LACTB2: variants seen among roughly 807,000 people sequenced by gnomAD.
LACTB2 encodes the protein lactamase beta 2, also known as endoribonuclease LACTB2.
A neutral mutation model predicts 34.8 loss-of-function variants in LACTB2; 32 were observed. That is an observed-to-expected ratio of 0.92 (90% CI 0.69 to 1.24). The LOEUF is 1.24. LACTB2 is among the 50% of genes most tolerant of loss of function. The pLI, the probability that LACTB2 is intolerant of heterozygous loss-of-function variation, is 0.00. For synonymous variants in LACTB2, 120 were observed against 117.5 expected (o/e 1.02, Z -0.14); for missense variants, 320 against 345.0 (o/e 0.93, Z 0.57).
intron 2 of LACTB2, chr8:70,660,117 T>C (rs982619376): frequency 2.0e-5 from 3 of 152,136 alleles, no homozygotes; most frequent in African/African-American, 7.2e-5. Flanking sequence ...AGTTTCTTTT[T>C]TTTTTTCTTT....
intron 3 of LACTB2, among the ~76,000 whole-genome samples, chr8:70,655,843 C>T (rs56352991): frequency 0.32 from 48,885 of 151,912 alleles, 9,209 homozygotes; most frequent in Non-Finnish European, 0.43. Context: ...CCCTGTTCAC[C>T]GCATCCACAC....
At chr8:70,642,481 A>G (rs7831911) in intron 4 of LACTB2, among the ~76,000 whole-genome samples, 22,299 of 143,170 alleles carry the variant, frequency 0.16, 2,345 homozygotes, top group African/African-American at 0.31. Flanking sequence ...GGGCCTTTTT[A>G]TTGGGTCCTG....
intron 5 of LACTB2, among the ~76,000 whole-genome samples, 164 bp from the exon 6 acceptor site, chr8:70,638,793 T>C (rs1486298151): frequency 1.3e-5 from 2 of 151,180 alleles, no homozygotes; most frequent in Non-Finnish European, 2.9e-5. Context: ...CAGGCTGGAA[T>C]GCAGTGGTGC....
intron 3 of LACTB2, among the ~76,000 whole-genome samples, chr8:70,648,198 C>G (rs1818288939): frequency 6.6e-6 from 1 of 152,186 alleles, no homozygotes; most frequent in Admixed American, 6.5e-5. Context: ...CCCACATTCT[C>G]AGAGCTCCCA....
At chr8:70,646,695 AT>A (rs1371561767) in intron 3 of LACTB2, 1 of 152,110 alleles carries the variant, frequency 6.6e-6, no homozygotes, top group Non-Finnish European at 1.5e-5. Flanking sequence ...TTACATTTAT[AT>A]TGTTTTGTAA....
chr8:70,644,140 C>T lies in LACTB2; in HGVS notation c.517G>A (p.Val173Ile), dbSNP rs968189492. 5 of 1,612,806 alleles carry T rather than the reference C, an allele frequency of 3.1e-6. No homozygotes were observed. Among genetic ancestry groups the T allele is most frequent in the Non-Finnish European group, 4.2e-6 (5 of 1,179,204 alleles). ...ATATAATCATAGAGGTCTTCAAATA[C>T]CGTTGTTCCTTCCCCTAGGATGCAA... is the stretch of plus-strand genomic sequence containing the variant. ...GDCILGEGTT[V>I]FEDLYDYMNS... is the part of the protein sequence containing the mutation. The change falls in exon 4 of 7, where the codon GTA (valine) becomes ATA (isoleucine). Residue 173 changes from valine to isoleucine, a missense_variant. Val to Ile is a conservative substitution (Grantham distance 29). Coordinates refer to ENST00000276590, the MANE Select transcript of LACTB2 (RefSeq NM_016027.3).
At chr8:70,647,261 T>G (rs1294189235) in intron 3 of LACTB2, among the ~76,000 whole-genome samples, 2 of 151,640 alleles carry the variant, frequency 1.3e-5, no homozygotes, top group Non-Finnish European at 2.9e-5. Context: ...ATATAATTTT[T>G]TTTTTTTTTG....
chr8:70,658,989 T>G (rs1156733923), intron 2 of LACTB2, among the ~76,000 whole-genome samples: 1 of 151,508 alleles, frequency 6.6e-6, no homozygotes, highest in East Asian at 2.0e-4. Context: ...ATCACGCCAT[T>G]GCATTCCAGG....
chr8:70,662,008 T>A, intron 1 of LACTB2, 111 bp from the exon 2 acceptor site: 1 of 937,616 alleles, frequency 1.1e-6, no homozygotes, highest in Non-Finnish European at 1.5e-6. Context: ...ATTTTACTTT[T>A]AACATGCACA....
intron 3 of LACTB2, among the ~76,000 whole-genome samples, chr8:70,650,350 G>A (rs1818323614): frequency 6.6e-6 from 1 of 152,186 alleles, no homozygotes; most frequent in African/African-American, 2.4e-5. Flanking sequence ...ATGTGTGACT[G>A]TCACTAGAAA....
intron 1 of LACTB2, among the ~76,000 whole-genome samples, chr8:70,668,678 C>T (rs1818571183): frequency 6.6e-6 from 1 of 151,688 alleles, no homozygotes; most frequent in African/African-American, 2.4e-5. Context: ...TCCGAATTTT[C>T]TCAACAGTTT....
chr8:70,666,567 C>T (rs998038175), intron 1 of LACTB2, among the ~76,000 whole-genome samples: 1 of 152,128 alleles, frequency 6.6e-6, no homozygotes, highest in Non-Finnish European at 1.5e-5. Context: ...CCAGAATACA[C>T]AAGGCCTTCC....
intron 1 of LACTB2, among the ~76,000 whole-genome samples, chr8:70,666,255 T>G (rs1247173822): frequency 1.3e-5 from 2 of 152,190 alleles, no homozygotes; most frequent in South Asian, 4.1e-4. Flanking sequence ...GGAAAGACAC[T>G]AAGCTTCTTG....
intron 6 of LACTB2, among the ~76,000 whole-genome samples, chr8:70,638,269 GAGA>G (rs2132066020): frequency 6.6e-6 from 1 of 152,276 alleles, no homozygotes; most frequent in South Asian, 2.1e-4. Flanking sequence ...TTGGGTCTGG[GAGA>G]AGAAAAGTTA....
rs774494078 is a variant in LACTB2, at chr8:70,638,542, A to G, written c.823+6T>C. 3 of 1,526,328 alleles carry G rather than the reference A, an allele frequency of 2.0e-6. No homozygotes were observed. The Admixed American group carries it at 7.1e-5, about 36-fold the overall frequency. The allele number at this position is 1,526,328 out of a possible 1,614,324, so 94.5% of individuals were successfully genotyped here. A position where few individuals can be genotyped will look rare whatever the true frequency, so the allele number is the denominator to read the frequency against. On this transcript the variant is annotated splice_donor_region_variant and intron_variant, in intron 6 of 6. Coordinates refer to ENST00000276590, the MANE Select transcript of LACTB2 (RefSeq NM_016027.3). ...GTAATAGAAGAAAATTTGGAAGCAT[A>G]CTCACATATTTTTCCTTCTTTTTCT...
chr8:70,656,683 G>T (rs1464022864), intron 3 of LACTB2, among the ~76,000 whole-genome samples: 1 of 152,132 alleles, frequency 6.6e-6, no homozygotes, highest in Non-Finnish European at 1.5e-5. Context: ...GGTTCCATAT[G>T]AATTTTAGAA....
chr8:70,654,187 G>C (rs980950962), intron 3 of LACTB2, among the ~76,000 whole-genome samples: 1 of 152,158 alleles, frequency 6.6e-6, no homozygotes, highest in Non-Finnish European at 1.5e-5. Flanking sequence ...CTTGATATAA[G>C]TAACATGTGA....
rs1021373009 is a variant in LACTB2, at chr8:70,658,500, C to G, written c.287-618G>C. Among the ~76,000 whole-genome samples, 4 of 152,142 alleles carry G rather than the reference C, an allele frequency of 2.6e-5. No homozygotes were observed. The East Asian group carries it at 7.7e-4, about 29-fold the overall frequency. ...ATACAACCACTGTGATATCAAAGTTCTTAAAAGCTGTCCTGATTGGGAAAC... is the reference window on the plus strand; with the variant it reads ...ATACAACCACTGTGATATCAAAGTTGTTAAAAGCTGTCCTGATTGGGAAAC... On this transcript the variant is annotated intron_variant, in intron 2 of 6. Coordinates refer to ENST00000276590, the MANE Select transcript of LACTB2 (RefSeq NM_016027.3).
intron 3 of LACTB2, among the ~76,000 whole-genome samples, chr8:70,645,638 C>A (rs1818254812): frequency 7.6e-6 from 1 of 131,378 alleles, no homozygotes; most frequent in African/African-American, 2.8e-5. Flanking sequence ...AATGCTATCC[C>A]TCCCCCTCCC....
Sources: gnomAD v4.1 joint callset for allele counts (sites outside exome capture counted in the v4.1 genomes callset) on GRCh38, gnomAD v4.1.1 for gene constraint, MANE v1.5 for transcripts, NCBI Gene and HGNC (gene_info 2026-07-23, HGNC 2026-07-21) for gene names.